ZFYVE1: variants seen among roughly 807,000 people sequenced by gnomAD.
ZFYVE1 encodes the protein zinc finger FYVE domain-containing protein 1.
A neutral mutation model predicts 74.4 loss-of-function variants in ZFYVE1; 30 were observed. That is an observed-to-expected ratio of 0.40 (90% CI 0.30 to 0.55). The LOEUF is 0.55. ZFYVE1 is among the 20% of genes least tolerant of loss of function. ZFYVE1 has a pLI of 0.42. For missense variants in ZFYVE1, 703 were observed against 1,011.6 expected, an observed-to-expected ratio of 0.69 and a Z score of 4.14; for synonymous variants, 335 against 385.1, an observed-to-expected ratio of 0.87 and a Z score of 1.52.
At chr14:72,971,234 A>G (rs1893026870) in intron 11 of ZFYVE1, 120 bp from the exon 12 acceptor site, 2 of 1,032,804 alleles carry the variant, frequency 1.9e-6, no homozygotes, top group South Asian at 1.6e-5. Context: ...AATTGCTGAC[A>G]GAGCTTTTTA....
At position 73,005,705 on chromosome 14, in the gene ZFYVE1, G is replaced by A. The variant is rs190314908; in HGVS notation, c.484-7390C>T. Reference sequence around the variant, plus strand: ...TAAAGTATGTAAAAGGCATAGCACAGTGCCTGGCATGGAGTAAGCACTCGA... The same window carrying A: ...TAAAGTATGTAAAAGGCATAGCACAATGCCTGGCATGGAGTAAGCACTCGA... On this transcript the variant is annotated intron_variant, in intron 2 of 11. Transcript: ENST00000556143. Among the ~76,000 whole-genome samples the A allele has an allele frequency of 4.6e-5, 7 of 152,274 alleles. No individual in the cohort carries two copies. In the East Asian group the frequency reaches 1.4e-3, roughly 29 times the overall value.
rs567808434 is a variant in ZFYVE1 at position 72,993,933 on chromosome 14, T to C, written c.989-576A>G. 7.1e-4 allele frequency among the ~76,000 whole-genome samples: 106 copies of C among 149,734 alleles called. 3 individuals carry two copies. Among genetic ancestry groups the C allele is most frequent in the South Asian group, 3.0e-3 (14 of 4,726 alleles). On this transcript the variant is annotated intron_variant, in intron 3 of 11. Transcript: ENST00000556143. Reference sequence around the variant, plus strand: ...AGGAGGCTGAGGCAGGAGAATCACTTGAACCTGGGAAGTGGAGGTTGCAGT... The same window carrying C: ...AGGAGGCTGAGGCAGGAGAATCACTCGAACCTGGGAAGTGGAGGTTGCAGT...
At chr14:73,007,931 T>C (rs986680038) in intron 2 of ZFYVE1, among the ~76,000 whole-genome samples, 4 of 152,192 alleles carry the variant, frequency 2.6e-5, no homozygotes, top group Non-Finnish European at 4.4e-5. Flanking sequence ...TCAAATGTTT[T>C]CTGAAGACAC....
Position 72,969,591 on chromosome 14 carries a change from C to A in ZFYVE1, c.*1291G>T. ...AGGGCTCATGTCACACCGATAGGCG[C>A]ACCAGGAATGACCGCCATATACTTC... On this transcript the variant is annotated 3_prime_UTR_variant, in exon 12 of 12. Transcript: ENST00000556143. 1 of 655,102 alleles carries A rather than the reference C, an allele frequency of 1.5e-6. No homozygotes were observed. The highest frequency in any genetic ancestry group is 2.8e-6 in the Non-Finnish European group (1 of 363,154). 40.6% of individuals were successfully genotyped at this position (655,102 alleles called of 1,614,324 possible).
At chr14:73,023,295 AATAT>A (rs1257621648) in intron 2 of ZFYVE1, among the ~76,000 whole-genome samples, 18 of 119,144 alleles carry the variant, frequency 1.5e-4, no homozygotes, top group Non-Finnish European at 1.2e-4. Context: ...TTTTATATAT[AATAT>A]ATATTATATA....
rs554001714 is a variant in ZFYVE1, at chr14:72,975,790, T to C, written c.1636-69A>G. The C allele has an allele frequency of 1.9e-6, 3 of 1,571,940 alleles. No homozygotes were observed. Among genetic ancestry groups the C allele is most frequent in the East Asian group, 2.2e-5 (1 of 44,628 alleles). Reference sequence around the variant, plus strand: ...TGAAAGGAAGGAGGAAGAGGGATGTTTGGTGAGTTGCACACTCACCGTGGC... The same window carrying C: ...TGAAAGGAAGGAGGAAGAGGGATGTCTGGTGAGTTGCACACTCACCGTGGC... On this transcript the variant is annotated intron_variant, in intron 8 of 11. Transcript: ENST00000556143. This position sits in a 1 kb window ranked among gnomAD's most constrained non-coding sequence, Gnocchi z 4.1.
rs1042859765 is a variant in ZFYVE1, at chr14:72,969,830, T to A, written c.*1052A>T. 1.5e-6 allele frequency: 1 copy of A among 675,036 alleles called. No homozygotes were observed. The highest frequency in any genetic ancestry group is 2.7e-6 in the Non-Finnish European group (1 of 376,200). The allele number at this position is 675,036 out of a possible 1,614,324, so 41.8% of individuals were successfully genotyped here. A position where few individuals can be genotyped will look rare whatever the true frequency, so the allele number is the denominator to read the frequency against. On this transcript the variant is annotated 3_prime_UTR_variant, in exon 12 of 12. Coordinates refer to ENST00000556143, the MANE Select transcript of ZFYVE1 (RefSeq NM_021260.4). ...AGAGATAAATTTTTTCTTTACGATC[T>A]GTTGAAATATTTATATAGACTTTTA...
chr14:72,981,127 CAT>C (rs1893319339), intron 5 of ZFYVE1, among the ~76,000 whole-genome samples: 1 of 152,184 alleles, frequency 6.6e-6, no homozygotes, highest in Non-Finnish European at 1.5e-5. Context: ...CAAGGTGATG[CAT>C]ACACAATTGA....
chr14:73,019,368 G>A (rs1423537633), intron 2 of ZFYVE1, among the ~76,000 whole-genome samples: 2 of 151,494 alleles, frequency 1.3e-5, no homozygotes, highest in African/African-American at 4.9e-5. Flanking sequence ...GATTGCTTGA[G>A]CCCAGGAATT....
At chr14:72,974,313 A>G (rs1373143978) in intron 10 of ZFYVE1, 120 bp from the exon 11 acceptor site, 1 of 898,048 alleles carries the variant, frequency 1.1e-6, no homozygotes, top group Admixed American at 2.0e-5. Flanking sequence ...GCTGTCCTGC[A>G]ACTACTGCAA....
chr14:73,021,527 T>C (rs1894319465), intron 2 of ZFYVE1, among the ~76,000 whole-genome samples: 1 of 152,226 alleles, frequency 6.6e-6, no homozygotes, highest in Admixed American at 6.5e-5. Flanking sequence ...ATAACCTAGA[T>C]TTATGTCAAT....
rs190089515 is a variant in ZFYVE1, at chr14:72,983,989, C to T, written c.1204-2094G>A. Among the ~76,000 whole-genome samples the T allele has an allele frequency of 2.0e-5, 3 of 152,202 alleles. No homozygotes were observed. The East Asian group carries it at 5.8e-4, about 29-fold the overall frequency. ...GCAAACTCAAGTCCCTACAAAGGCA[C>T]GTAATATCAATGTTGAGTCAGGTCA... is the stretch of plus-strand genomic sequence containing the variant. On this transcript the variant is annotated intron_variant, in intron 4 of 11. Transcript: ENST00000556143.
chr14:72,988,547 C>T (rs1293931982), intron 4 of ZFYVE1, among the ~76,000 whole-genome samples: 1 of 151,656 alleles, frequency 6.6e-6, no homozygotes, highest in Non-Finnish European at 1.5e-5. Context: ...TGGCTCACAC[C>T]TGTAATCCCA....
At chr14:73,010,665 G>A (rs772943406) in intron 2 of ZFYVE1, among the ~76,000 whole-genome samples, 4 of 151,504 alleles carry the variant, frequency 2.6e-5, no homozygotes, top group African/African-American at 4.9e-5. Context: ...AGCTACTCTG[G>A]AGGTTGAGGC....
Position 72,993,142 on chromosome 14 carries a change from C to T in ZFYVE1, c.1203+1G>A, listed in dbSNP as rs1287932034. On this transcript the variant is annotated splice_donor_variant, in intron 4 of 11. Transcript: ENST00000556143. LOFTEE classifies it high-confidence loss of function. The stretch of plus-strand genomic sequence containing the variant: ...AGCCCTTGGGGCACAAGCCAACTGA[C>T]CTTCAGGGCTTTGAAGATGACTCCC... 1.9e-6 allele frequency: 3 copies of T among 1,598,240 alleles called. No individual in the cohort carries two copies. The highest frequency in any genetic ancestry group is 2.6e-6 in the Non-Finnish European group (3 of 1,170,574).
chr14:72,983,923 C>T (rs565853764), intron 4 of ZFYVE1, among the ~76,000 whole-genome samples: 2 of 152,204 alleles, frequency 1.3e-5, no homozygotes, highest in Non-Finnish European at 1.5e-5. Context: ...GTTAGAATGG[C>T]GATCATTAAA....
In ZFYVE1 at chr14:72,985,364, G is replaced by A. The variant is rs893403645; in HGVS notation, c.1204-3469C>T. Reference sequence around the variant, plus strand: ...TTTGTTTTGTTATTGAGACAGTCTCGCTCCGTCACCCAGGTTGGAGTGCAG... The same window carrying A: ...TTTGTTTTGTTATTGAGACAGTCTCACTCCGTCACCCAGGTTGGAGTGCAG... On this transcript the variant is annotated intron_variant, in intron 4 of 11. Transcript: ENST00000556143. Among the ~76,000 whole-genome samples the A allele has an allele frequency of 5.9e-5, 9 of 151,788 alleles. No homozygotes were observed. The East Asian group carries it at 9.6e-4, about 16-fold the overall frequency.
intron 5 of ZFYVE1, among the ~76,000 whole-genome samples, chr14:72,981,117 C>T (rs1162914488): frequency 2.0e-5 from 3 of 152,192 alleles, no homozygotes; most frequent in Non-Finnish European, 4.4e-5. Flanking sequence ...AACAGAATCT[C>T]AAGGTGATGC....
In ZFYVE1 at chr14:73,010,645, T is replaced by C. The variant is rs1376845114; in HGVS notation, c.484-12330A>G. On this transcript the variant is annotated intron_variant, in intron 2 of 11. Coordinates refer to ENST00000556143, the MANE Select transcript of ZFYVE1 (RefSeq NM_021260.4). ...ATTAGCCAGGCATGGTGGCACGCGCTTGTGATCCCAGCTACTCTGGAGGTT... is the reference window on the plus strand; with the variant it reads ...ATTAGCCAGGCATGGTGGCACGCGCCTGTGATCCCAGCTACTCTGGAGGTT... 3.3e-5 allele frequency among the ~76,000 whole-genome samples: 5 copies of C among 150,370 alleles called. No homozygotes were observed. The East Asian group carries it at 9.7e-4, about 29-fold the overall frequency.
Sources: gnomAD v4.1 joint callset for allele counts (sites outside exome capture counted in the v4.1 genomes callset) on GRCh38, gnomAD v4.1.1 for gene constraint, Gnocchi (gnomAD v3.1) non-coding constraint, MANE v1.5 for transcripts, NCBI Gene and HGNC (gene_info 2026-07-23, HGNC 2026-07-21) for gene names.